The following STXBP5L variants were observed in gnomAD, a reference collection of about 807,000 sequenced individuals.
STXBP5L encodes the protein syntaxin-binding protein 5-like.
Under a neutral mutation model 144.5 loss-of-function variants are expected in STXBP5L, and 65 were observed. That is an observed-to-expected ratio of 0.45 (90% CI 0.37 to 0.55). The LOEUF (loss-of-function observed/expected upper bound fraction) is 0.55. Ranked by LOEUF, STXBP5L falls within the 20% of genes least tolerant of loss-of-function variation. STXBP5L has a pLI of 0.00. For synonymous variants in STXBP5L, 505 were observed against 469.6 expected, an observed-to-expected ratio of 1.08 and a Z score of -0.97; for missense variants, 1,298 against 1,405.5, an observed-to-expected ratio of 0.92 and a Z score of 1.22.
At chr3:120,967,221 G>T (rs1939692717) in intron 3 of STXBP5L, among the ~76,000 whole-genome samples, 2 of 152,136 alleles carry the variant, frequency 1.3e-5, no homozygotes, top group Non-Finnish European at 2.9e-5. Flanking sequence ...CCCTTGGCTA[G>T]GAAAGGGAAA....
chr3:121,383,236 AG>A (rs1222448981), intron 22 of STXBP5L, among the ~76,000 whole-genome samples: 3 of 152,070 alleles, frequency 2.0e-5, no homozygotes. Context: ...CAGGAGTTCA[AG>A]ACCAGTCTGG....
chr3:121,373,258 C>T (rs569758631), intron 20 of STXBP5L, among the ~76,000 whole-genome samples: 29 of 152,312 alleles, frequency 1.9e-4, no homozygotes, highest in Admixed American at 5.2e-4. Flanking sequence ...GCAGGAGAAA[C>T]GGTAAGTGAG....
chr3:121,071,736 TACTC>T (rs1456169208), intron 5 of STXBP5L, among the ~76,000 whole-genome samples: 14 of 152,334 alleles, frequency 9.2e-5, no homozygotes, highest in Admixed American at 6.5e-5. Context: ...TTCTTTCTCT[TACTC>T]ACCCTTATAT....
intron 9 of STXBP5L, among the ~76,000 whole-genome samples, chr3:121,205,038 G>A (rs1054212620): frequency 6.6e-6 from 1 of 152,142 alleles, no homozygotes; most frequent in Non-Finnish European, 1.5e-5. Flanking sequence ...AAATGTATTT[G>A]ATAGAATAAT....
intron 7 of STXBP5L, among the ~76,000 whole-genome samples, chr3:121,148,971 A>G (rs192968006): frequency 1.3e-5 from 2 of 152,268 alleles, no homozygotes; most frequent in Non-Finnish European, 2.9e-5. Flanking sequence ...AGCAATATGT[A>G]TTGTATAATT....
At chr3:121,124,241 G>A (rs2044604052) in intron 7 of STXBP5L, among the ~76,000 whole-genome samples, 1 of 151,728 alleles carries the variant, frequency 6.6e-6, no homozygotes, top group African/African-American at 2.4e-5. Context: ...AAAATGTCTT[G>A]ATATCTGGTA....
At position 121,342,794 on chromosome 3, in the gene STXBP5L, C is replaced by T. The variant is rs1222980406; in HGVS notation, c.2176+24254C>T. On this transcript the variant is annotated intron_variant, in intron 20 of 26. Coordinates refer to ENST00000471454, the MANE Select transcript of STXBP5L (RefSeq NM_001308330.2). ...CAAGTCTTTGCTATTGTGAATAGTG[C>T]CACAATAAACATACATGTGCATGTG... Among the ~76,000 whole-genome samples, 10 of 145,900 alleles carry T rather than the reference C, an allele frequency of 6.9e-5. No homozygotes were observed. In the South Asian group the frequency reaches 1.4e-3, roughly 21 times the overall value.
intron 3 of STXBP5L, among the ~76,000 whole-genome samples, chr3:121,020,247 C>T (rs1259366026): frequency 2.6e-5 from 4 of 151,932 alleles, no homozygotes; most frequent in Admixed American, 2.0e-4. Flanking sequence ...AAAAAAAATG[C>T]CTCCAAGACG....
intron 5 of STXBP5L, among the ~76,000 whole-genome samples, chr3:121,103,921 G>A (rs1212759708): frequency 6.6e-6 from 1 of 152,116 alleles, no homozygotes; most frequent in African/African-American, 2.4e-5. Flanking sequence ...ACTGCAGACA[G>A]GGTATTACGT....
rs897715310 is a variant in STXBP5L, at chr3:121,422,873, A to G, written c.*3776A>G. ...CCCATGTACCAGTTTTAAAGGCATC[A>G]TCTATACTTTATCTACATGAAGGGA... On this transcript the variant is annotated 3_prime_UTR_variant, in exon 27 of 27. Transcript: ENST00000471454. 1 of 152,172 alleles carries G rather than the reference A, an allele frequency of 6.6e-6. No homozygotes were observed. The highest frequency in any genetic ancestry group is 1.5e-5 in the Non-Finnish European group (1 of 68,018). The allele number at this position is 152,172 out of a possible 1,614,324, so 9.4% of individuals were successfully genotyped here. A position where few individuals can be genotyped will look rare whatever the true frequency, so the allele number is the denominator to read the frequency against.
chr3:120,914,573 A>C (rs758980753), intron 2 of STXBP5L, among the ~76,000 whole-genome samples: 1 of 152,118 alleles, frequency 6.6e-6, no homozygotes, highest in Non-Finnish European at 1.5e-5. Flanking sequence ...CTTGAATACT[A>C]TCTCTTCCTC....
intron 11 of STXBP5L, among the ~76,000 whole-genome samples, chr3:121,233,088 A>T (rs1427158495): frequency 6.6e-6 from 1 of 152,206 alleles, no homozygotes; most frequent in Non-Finnish European, 1.5e-5. Context: ...GTTATGTAAA[A>T]GTTGAACCAG....
At chr3:120,981,397 A>G (rs1012384161) in intron 3 of STXBP5L, among the ~76,000 whole-genome samples, 3 of 151,964 alleles carry the variant, frequency 2.0e-5, no homozygotes, top group African/African-American at 7.2e-5. Flanking sequence ...TTTATTCTTT[A>G]ATTTTTTTTG....
chr3:121,418,219 T>C, intron 25 of STXBP5L, 118 bp from the exon 26 acceptor site: 1 of 1,186,778 alleles, frequency 8.4e-7, no homozygotes. Flanking sequence ...CAAATAAGAC[T>C]CTCTTTTAAT....
chr3:120,941,727 A>T (rs1321036719), intron 2 of STXBP5L, among the ~76,000 whole-genome samples: 1 of 151,772 alleles, frequency 6.6e-6, no homozygotes, highest in Non-Finnish European at 1.5e-5. Context: ...AACACTACCT[A>T]TTAATATTTA....
At chr3:121,030,370 T>A (rs779249530) in intron 3 of STXBP5L, among the ~76,000 whole-genome samples, 2 of 152,156 alleles carry the variant, frequency 1.3e-5, no homozygotes, top group Non-Finnish European at 2.9e-5. Context: ...TGAGTTCATG[T>A]CCTTTGCAGG....
intron 9 of STXBP5L, among the ~76,000 whole-genome samples, chr3:121,166,012 CT>C (rs915477944): frequency 3.4e-5 from 5 of 149,128 alleles, no homozygotes; most frequent in East Asian, 2.0e-4. Context: ...AAGATTTTCA[CT>C]TTTTTTTTTC....
At chr3:121,030,070 A>G (rs891064876) in intron 3 of STXBP5L, among the ~76,000 whole-genome samples, 3 of 152,178 alleles carry the variant, frequency 2.0e-5, no homozygotes, top group Non-Finnish European at 4.4e-5. Flanking sequence ...ACACTTTTAC[A>G]CTGTTGGTGG....
chr3:121,051,294 C>T (rs1271077570), intron 5 of STXBP5L, among the ~76,000 whole-genome samples: 1 of 152,042 alleles, frequency 6.6e-6, no homozygotes, highest in East Asian at 1.9e-4. Context: ...TTTTTTTCAG[C>T]ACCACACCAC....
Sources: allele counts gnomAD v4.1 joint callset (sites outside exome capture counted in the v4.1 genomes callset), GRCh38; gene constraint gnomAD v4.1.1; transcripts MANE v1.5; gene names NCBI Gene and HGNC (gene_info 2026-07-23, HGNC 2026-07-21).